The following GALNT2 variants were observed in gnomAD, a reference collection of about 807,000 sequenced individuals.
GALNT2 encodes UDP-GalNAc:polypeptide N-acetylgalactosaminyltransferase 2.
A neutral mutation model predicts 81.4 loss-of-function variants in GALNT2; 31 were observed. That is an observed-to-expected ratio of 0.38 (90% CI 0.29 to 0.51). GALNT2 has a LOEUF of 0.51. Ranked by LOEUF, GALNT2 falls within the 20% of genes least tolerant of loss-of-function variation. The pLI is 0.87. For missense variants in GALNT2, 629 were observed against 765.7 expected (o/e 0.82, Z 2.11); for synonymous variants, 303 against 287.4 (o/e 1.05, Z -0.55).
intron 1 of GALNT2, among the ~76,000 whole-genome samples, chr1:230,106,097 G>T (rs543554589): frequency 2.0e-5 from 3 of 152,314 alleles, no homozygotes; most frequent in South Asian, 2.1e-4. Context: ...GTGCATGAGG[G>T]TATGCCAACT....
chr1:230,098,835 C>T (rs954920259), intron 1 of GALNT2, among the ~76,000 whole-genome samples: 1 of 152,130 alleles, frequency 6.6e-6, no homozygotes, highest in Non-Finnish European at 1.5e-5. Flanking sequence ...TTGCTTTAGC[C>T]TCCACAAGCA....
intron 3 of GALNT2, among the ~76,000 whole-genome samples, chr1:230,234,157 T>C (rs530658783): frequency 6.6e-6 from 1 of 152,272 alleles, no homozygotes; most frequent in East Asian, 1.9e-4. Flanking sequence ...AGTTAATCTC[T>C]GGTTAATGTA....
chr1:230,094,162 A>G (rs1660175018), intron 1 of GALNT2, among the ~76,000 whole-genome samples: 2 of 123,792 alleles, frequency 1.6e-5, no homozygotes, highest in African/African-American at 6.6e-5. Context: ...CATGCTGGCT[A>G]ATTTTTTTTT....
chr1:230,181,370 G>C (rs1172124789), intron 2 of GALNT2, among the ~76,000 whole-genome samples: 1 of 152,126 alleles, frequency 6.6e-6, no homozygotes, highest in Non-Finnish European at 1.5e-5. Flanking sequence ...TTCTTGCTTA[G>C]CTAGTGGACA....
chr1:230,108,577 A>G (rs984636073), intron 1 of GALNT2, among the ~76,000 whole-genome samples: 1 of 152,254 alleles, frequency 6.6e-6, no homozygotes, highest in Non-Finnish European at 1.5e-5. Context: ...TGATGGGATC[A>G]TGTCCCAGTA....
chr1:230,143,411 C>G (rs930175794), intron 1 of GALNT2, among the ~76,000 whole-genome samples: 1 of 152,188 alleles, frequency 6.6e-6, no homozygotes, highest in Non-Finnish European at 1.5e-5. Context: ...GCAGAAGCAG[C>G]AACAAGGTGT....
chr1:230,250,876 C>G (rs3789628), intron 10 of GALNT2, among the ~76,000 whole-genome samples: 16,805 of 152,128 alleles, frequency 0.11, 1,183 homozygotes, highest in Non-Finnish European at 0.15. Flanking sequence ...GGGAAACAGT[C>G]CAGGAGCTCA....
At chr1:230,164,025 T>G (rs1329915844) in intron 1 of GALNT2, among the ~76,000 whole-genome samples, 2 of 152,228 alleles carry the variant, frequency 1.3e-5, no homozygotes, top group African/African-American at 4.8e-5. Flanking sequence ...TTGTTTTTTT[T>G]GGGAGGGTCT....
intron 3 of GALNT2, 105 bp downstream of exon 3, chr1:230,203,395 T>C: frequency 7.6e-7 from 1 of 1,319,558 alleles, no homozygotes; most frequent in East Asian, 2.3e-5. Flanking sequence ...TCTGGGAAAT[T>C]GAATGTGTGT....
chr1:230,058,746 C>T (rs1029882796), intron 1 of GALNT2, among the ~76,000 whole-genome samples: 9 of 152,178 alleles, frequency 5.9e-5, no homozygotes, highest in Middle Eastern at 3.2e-3. Context: ...CAATTCAAGC[C>T]AAGCAATTTC....
intron 1 of GALNT2, among the ~76,000 whole-genome samples, chr1:230,151,661 G>A (rs1662098019): frequency 6.6e-6 from 1 of 152,186 alleles, no homozygotes; most frequent in Admixed American, 6.5e-5. Flanking sequence ...TTCATTGATG[G>A]CTTCAACTAC....
chr1:230,225,561 T>C (rs1469880859), intron 3 of GALNT2, among the ~76,000 whole-genome samples: 1 of 151,966 alleles, frequency 6.6e-6, no homozygotes, highest in Non-Finnish European at 1.5e-5. Flanking sequence ...TTCATAGTCA[T>C]GGTAGACTTT....
At chr1:230,134,936 T>C (rs567463771) in intron 1 of GALNT2, among the ~76,000 whole-genome samples, 1 of 152,354 alleles carries the variant, frequency 6.6e-6, no homozygotes, top group East Asian at 1.9e-4. Flanking sequence ...TATTTAAGTA[T>C]GATCAGTGTG....
rs568371379 is a variant in GALNT2, at chr1:230,194,983, G to A, written c.221-8154G>A. Among the ~76,000 whole-genome samples the A allele has an allele frequency of 4.3e-4, 65 of 152,296 alleles. No individual in the cohort carries two copies. In the Middle Eastern group the frequency reaches 0.01, roughly 24 times the overall value. On this transcript the variant is annotated intron_variant, in intron 2 of 15. Transcript: ENST00000366672. ...CGGGGAGAAGAAGTGGAGCCTGCCC[G>A]TTCCCATTGGGCCTCCATCTTCTCT...
At chr1:230,067,789 C>T (rs1659244027) in intron 1 of GALNT2, among the ~76,000 whole-genome samples, 1 of 152,172 alleles carries the variant, frequency 6.6e-6, no homozygotes, top group Admixed American at 6.5e-5. Context: ...ACCGCTTTTC[C>T]AACGCGTCAT....
intron 3 of GALNT2, 104 bp from the exon 4 acceptor site, chr1:230,235,910 C>T (rs1240697873): frequency 2.2e-6 from 2 of 919,472 alleles, no homozygotes; most frequent in Non-Finnish European, 3.4e-6. Context: ...TTAATCATAG[C>T]ATGTCCATCC....
At chr1:230,063,950 A>G (rs1032392797), upstream of GALNT2, among the ~76,000 whole-genome samples, 1 of 152,204 alleles carries the variant, frequency 6.6e-6, no homozygotes, top group Non-Finnish European at 1.5e-5. Context: ...ATTGTTTCCT[A>G]TTATAACTAC....
chr1:230,105,265 G>A (rs1450173651), intron 1 of GALNT2, among the ~76,000 whole-genome samples: 2 of 152,200 alleles, frequency 1.3e-5, no homozygotes, highest in Non-Finnish European at 2.9e-5. Flanking sequence ...GGTTATTGAA[G>A]AGCAGCCAAA....
chr1:230,221,535 CCTCT>C, intron 3 of GALNT2, among the ~76,000 whole-genome samples: 1 of 152,154 alleles, frequency 6.6e-6, no homozygotes, highest in Non-Finnish European at 1.5e-5. Flanking sequence ...TTCTTTTCCT[CCTCT>C]CTCCCGTCTT....
Sources: allele counts gnomAD v4.1 joint callset (sites outside exome capture counted in the v4.1 genomes callset), GRCh38; gene constraint gnomAD v4.1.1; transcripts MANE v1.5; gene names NCBI Gene and HGNC (gene_info 2026-07-23, HGNC 2026-07-21).